The following BLOC1S3 variants were observed in gnomAD, a reference collection of about 807,000 sequenced individuals.
BLOC1S3 encodes biogenesis of lysosome-related organelles complex 1 subunit 3.
Under a neutral mutation model 9.1 loss-of-function variants are expected in BLOC1S3, and 7 were observed. That is an observed-to-expected ratio of 0.77 (90% CI 0.44 to 1.45). The LOEUF is 1.45. Ranked by LOEUF, BLOC1S3 falls within the 40% of genes most tolerant of loss-of-function variation. The pLI is 0.01. For missense variants in BLOC1S3, 307 were observed against 315.2 expected (o/e 0.97, Z 0.20); for synonymous variants, 145 against 158.4 (o/e 0.92, Z 0.64).
In BLOC1S3 at chr19:45,191,226, G is replaced by A. The variant is rs187933493; in HGVS notation, n.180+3486G>A. ...CAACCTCCGCCTCCCTGGTTGAAGC[G>A]ATTCTCATGCCTCAGCCTCCCGAGT... On this transcript the variant is annotated intron_variant and non_coding_transcript_variant, in intron 2 of 3. Transcript: ENST00000591569. Among the ~76,000 whole-genome samples the A allele has an allele frequency of 6.9e-3, 1,046 of 150,720 alleles. 21 individuals carry two copies. Among genetic ancestry groups the A allele is most frequent in the Non-Finnish European group, 7.7e-3 (518 of 67,642 alleles).
chr19:45,184,762 C>T (rs753928086), downstream of BLOC1S3, among the ~76,000 whole-genome samples: 20 of 151,600 alleles, frequency 1.3e-4, no homozygotes, highest in African/African-American at 3.9e-4. Context: ...TAGCTGGGCA[C>T]GGTGGCGGGC....
At chr19:45,206,413 A>T (rs1253067631) in intron 3 of BLOC1S3, among the ~76,000 whole-genome samples, 2 of 109,156 alleles carry the variant, frequency 1.8e-5, no homozygotes, top group Admixed American at 9.5e-5. Flanking sequence ...TCATCTGGTC[A>T]TTGTTCTCTT....
intron 2 of BLOC1S3, among the ~76,000 whole-genome samples, chr19:45,196,689 A>C (rs1193493484): frequency 5.3e-5 from 8 of 151,812 alleles, no homozygotes; most frequent in Non-Finnish European, 1.0e-4. Context: ...TCAGGAGATC[A>C]AGACCATCCT....
At chr19:45,201,988 C>T (rs1377207233) in intron 2 of BLOC1S3, among the ~76,000 whole-genome samples, 2 of 151,940 alleles carry the variant, frequency 1.3e-5, no homozygotes, top group South Asian at 2.1e-4. Context: ...CTTTGGGAGG[C>T]CGAGGCGGGT....
chr19:45,211,918 C>T (rs930896356), intron 3 of BLOC1S3, among the ~76,000 whole-genome samples: 4 of 152,126 alleles, frequency 2.6e-5, no homozygotes, highest in East Asian at 1.9e-4. Flanking sequence ...TCAAGGTCTC[C>T]GTGGGGACTA....
At chr19:45,209,056 GTTGT>G (rs974658695) in intron 3 of BLOC1S3, among the ~76,000 whole-genome samples, 4 of 148,072 alleles carry the variant, frequency 2.7e-5, no homozygotes, top group East Asian at 2.0e-4. Flanking sequence ...TTTTTTTTTT[GTTGT>G]TTGTTTGAGA....
chr19:45,186,608 G>T (rs1969567447), downstream of BLOC1S3, among the ~76,000 whole-genome samples: 1 of 152,222 alleles, frequency 6.6e-6, no homozygotes, highest in East Asian at 1.9e-4. Context: ...AGGAGGCTGA[G>T]GCAGAATGAT....
Position 45,213,199 on chromosome 19 carries a change from C to T in BLOC1S3, n.283-3477C>T, listed in dbSNP as rs749294188. ...AGGGAGGCTGAGACAGAAAGATGGG[C>T]GGGGCACAGGGATGTCTGCAAAGAA... On this transcript the variant is annotated intron_variant and non_coding_transcript_variant, in intron 3 of 3. Transcript: ENST00000591569. 30 of 1,607,584 alleles carry T rather than the reference C, an allele frequency of 1.9e-5. No homozygotes were observed. Among genetic ancestry groups the T allele is most frequent in the Middle Eastern group, 1.7e-4 (1 of 6,028 alleles).
At chr19:45,207,418 C>A (rs2122936027) in intron 3 of BLOC1S3, among the ~76,000 whole-genome samples, 1 of 152,124 alleles carries the variant, frequency 6.6e-6, no homozygotes, top group Middle Eastern at 3.4e-3. Flanking sequence ...CAGGCGTGAG[C>A]CACCGCGCCT....
downstream of BLOC1S3, among the ~76,000 whole-genome samples, chr19:45,182,465 C>T (rs949540790): frequency 6.1e-5 from 9 of 148,282 alleles, no homozygotes; most frequent in Non-Finnish European, 1.2e-4. Flanking sequence ...GTCAGGAGTT[C>T]TAGACCAGCC....
At chr19:45,182,484 A>G (rs1969532764), downstream of BLOC1S3, among the ~76,000 whole-genome samples, 1 of 151,992 alleles carries the variant, frequency 6.6e-6, no homozygotes, top group Non-Finnish European at 1.5e-5. Context: ...CCTGGCCAAC[A>G]TGGTGAAACT....
rs1288472827 is a variant in BLOC1S3 at position 45,179,466 on chromosome 19, C to G, written c.170C>G (p.Ala57Gly). 6.6e-7 allele frequency: 1 copy of G among 1,523,908 alleles called. No homozygotes were observed. The highest frequency in any genetic ancestry group is 8.8e-7 in the Non-Finnish European group (1 of 1,141,802). 94.4% of individuals were successfully genotyped at this position (1,523,908 alleles called of 1,614,324 possible). ...GGCCGCCCCACGGGGCTGCGGGTGG[C>G]TGGGGAAGCCGCGGAGACCGACTCG... is the stretch of plus-strand genomic sequence containing the variant. ...TRGRPTGLRV[A>G]GEAAETDSEP... The change falls in exon 2 of 2, where the codon GCT (alanine) becomes GGT (glycine). Residue 57 changes from alanine to glycine, a missense_variant. Transcript: ENST00000433642. This position sits in a 1 kb window ranked among gnomAD's most constrained non-coding sequence, Gnocchi z 4.6.
At chr19:45,209,535 C>T (rs754447975) in intron 3 of BLOC1S3, among the ~76,000 whole-genome samples, 27 of 152,088 alleles carry the variant, frequency 1.8e-4, no homozygotes, top group Non-Finnish European at 3.2e-4. Flanking sequence ...CATTCTCCTG[C>T]CTCAGCCTCC....
downstream of BLOC1S3, among the ~76,000 whole-genome samples, chr19:45,183,501 T>G (rs943669815): frequency 2.0e-5 from 3 of 149,602 alleles, no homozygotes; most frequent in African/African-American, 4.9e-5. Flanking sequence ...TAGGTGCGGA[T>G]CAACCAGCAT....
chr19:45,190,377 C>T (rs12985661), intron 2 of BLOC1S3, among the ~76,000 whole-genome samples: 1 of 139,568 alleles, frequency 7.2e-6, no homozygotes, highest in Non-Finnish European at 1.6e-5. Context: ...TCTCTCTCTC[C>T]CCCACCCATA....
At chr19:45,205,955 T>C (rs898315510) in intron 3 of BLOC1S3, among the ~76,000 whole-genome samples, 3 of 152,134 alleles carry the variant, frequency 2.0e-5, no homozygotes, top group African/African-American at 4.8e-5. Flanking sequence ...TCTCCACCTA[T>C]TAGAGTGGTT....
At chr19:45,199,041 T>A (rs1057477205) in intron 2 of BLOC1S3, 8 of 152,180 alleles carry the variant, frequency 5.3e-5, no homozygotes, top group African/African-American at 1.9e-4. Flanking sequence ...TTTCTCTTGC[T>A]GCTTTTAGGA....
intron 2 of BLOC1S3, among the ~76,000 whole-genome samples, chr19:45,198,595 A>G (rs1169096622): frequency 2.0e-5 from 3 of 151,282 alleles, no homozygotes; most frequent in Non-Finnish European, 3.0e-5. Context: ...CACCCAGCCA[A>G]CTTCATCACT....
intron 2 of BLOC1S3, among the ~76,000 whole-genome samples, chr19:45,201,536 C>T (rs1444064899): frequency 5.3e-5 from 8 of 152,156 alleles, no homozygotes; most frequent in Non-Finnish European, 1.0e-4. Context: ...TGAAGCCTGC[C>T]GGGCTTGTGT....
Sources: gnomAD v4.1 joint callset for allele counts (sites outside exome capture counted in the v4.1 genomes callset) on GRCh38, gnomAD v4.1.1 for gene constraint, Gnocchi (gnomAD v3.1) non-coding constraint, MANE v1.5 for transcripts, NCBI Gene and HGNC (gene_info 2026-07-23, HGNC 2026-07-21) for gene names.